RYR3: variants seen among roughly 807,000 people sequenced by gnomAD.
RYR3 encodes brain ryanodine receptor-calcium release channel.
Under a neutral mutation model 584.3 loss-of-function variants are expected in RYR3, and 207 were observed. The observed-to-expected ratio is 0.35, with a 90% CI of 0.32 to 0.40. The LOEUF is 0.40. Ranked by LOEUF, RYR3 falls within the 10% of genes least tolerant of loss-of-function variation. RYR3 has a pLI of 1.00. For synonymous variants in RYR3, 2,416 were observed against 2,248.5 expected (o/e 1.07, Z -2.11); for missense variants, 5,616 against 6,089.2 (o/e 0.92, Z 2.59).
Position 33,865,232 on chromosome 15 carries a change from A to G in RYR3, c.*6A>G, listed in dbSNP as rs200805654. 7.1e-5 allele frequency: 114 copies of G among 1,607,992 alleles called. No individual in the cohort carries two copies. The highest frequency in any genetic ancestry group is 9.4e-5 in the African/African-American group (7 of 74,566). ...ATGAAGATCAGCTTGGATAAATCTG[A>G]ATCAAAGAAGCGCGACAATTCTGGA... On this transcript the variant is annotated 3_prime_UTR_variant, in exon 104 of 104. Transcript: ENST00000634891.
intron 94 of RYR3, chr15:33,849,619 A>G (rs2078958653): frequency 6.6e-6 from 1 of 152,196 alleles, no homozygotes; most frequent in Non-Finnish European, 1.5e-5. Flanking sequence ...AGATAAATTA[A>G]TGTGGCAAAA....
At chr15:33,655,752 C>A (rs2152694163) in intron 32 of RYR3, among the ~76,000 whole-genome samples, 1 of 152,328 alleles carries the variant, frequency 6.6e-6, no homozygotes, top group African/African-American at 2.4e-5. Context: ...CCCAGCCAGC[C>A]CCCTTCTCAT....
rs751669934 is a variant in RYR3 at position 33,539,402 on chromosome 15, A to G, written c.486A>G (p.Gly162=). The change falls in exon 6 of 104, where the codon GGA becomes GGG. Residue 162 remains glycine (G), a synonymous_variant. Coordinates refer to ENST00000634891, the MANE Select transcript of RYR3 (RefSeq NM_001036.6). The part of the protein sequence containing the change: ...IHPASKQRSE[G]EKVRIGDDLI... ...CTGCTTCCAAACAGAGGTCCGAAGG[A>G]GAGAAAGTTCGAATTGGCGATGACC... The G allele has an allele frequency of 6.2e-7, 1 of 1,603,798 alleles. No homozygotes were observed. Among genetic ancestry groups the G allele is most frequent in the Non-Finnish European group, 8.5e-7 (1 of 1,174,870 alleles).
At position 33,731,454 on chromosome 15, in the gene RYR3, T is replaced by C. The variant is rs777428725; in HGVS notation, c.7204-20T>C. The C allele has an allele frequency of 5.1e-6, 8 of 1,573,312 alleles. No individual in the cohort carries two copies. The highest frequency in any genetic ancestry group is 2.3e-5 in the South Asian group (2 of 87,314). On this transcript the variant is annotated intron_variant, in intron 47 of 103. Transcript: ENST00000634891. ...TGTTCCTCAGGGCAATTAACCTGTGTCCCAATCTTCTTTCTCTAGGTTTCC... is the reference window on the plus strand; with the variant it reads ...TGTTCCTCAGGGCAATTAACCTGTGCCCCAATCTTCTTTCTCTAGGTTTCC...
At chr15:33,640,473 C>T (rs1408534268) in intron 27 of RYR3, among the ~76,000 whole-genome samples, 3 of 152,192 alleles carry the variant, frequency 2.0e-5, no homozygotes, top group Non-Finnish European at 4.4e-5. Flanking sequence ...TCATCTACCT[C>T]CCTCTCTCTA....
Position 33,311,066 on chromosome 15 carries a change from A to C in RYR3, c.21A>C (p.Gly7=). The C allele has an allele frequency of 6.3e-7, 1 of 1,582,598 alleles. No individual in the cohort carries two copies. The highest frequency in any genetic ancestry group is 2.4e-5 in the East Asian group (1 of 41,150). Residue 7 remains glycine (G), a synonymous_variant, in exon 1 of 104, where the codon GGA becomes GGC. Transcript: ENST00000634891. The surrounding 1 kb of genome is among the most constrained non-coding windows in gnomAD (Gnocchi z 4.4). The part of the protein sequence containing the change: MAEGGE[G]GEDEIQFLRT... The stretch of plus-strand genomic sequence containing the variant: ...GAGCCATGGCCGAAGGGGGAGAAGG[A>C]GGCGAGGACGAGATCCAGTTTCTGA...
At chr15:33,343,048 G>C (rs1395580980) in intron 1 of RYR3, among the ~76,000 whole-genome samples, 1 of 152,216 alleles carries the variant, frequency 6.6e-6, no homozygotes, top group East Asian at 1.9e-4. Flanking sequence ...TTTTGATAGT[G>C]GAAATGAGAA....
At chr15:33,553,853 G>A (rs1721597702) in intron 10 of RYR3, among the ~76,000 whole-genome samples, 1 of 152,182 alleles carries the variant, frequency 6.6e-6, no homozygotes, top group South Asian at 2.1e-4. Flanking sequence ...CTCATTTGAA[G>A]TCTGTCATAA....
chr15:33,660,330 T>C lies in RYR3; in HGVS notation c.4529T>C (p.Val1510Ala), dbSNP rs431825175. 1.3e-5 allele frequency: 21 copies of C among 1,590,770 alleles called. No homozygotes were observed. Among genetic ancestry groups the C allele is most frequent in the South Asian group, 1.3e-4 (11 of 86,774 alleles). The change falls in exon 34 of 104, where the codon GTG (valine) becomes GCG (alanine). Residue 1510 changes from valine to alanine, a missense_variant. Val to Ala is a moderately conservative substitution (Grantham distance 64). Transcript: ENST00000634891. Reference protein sequence around the residue: ...WSRMPNSFLKVETERVSERHG... With the variant: ...WSRMPNSFLKAETERVSERHG... Reference sequence around the variant, plus strand: ...CGCATGCCCAACAGCTTCCTGAAGGTGGAGACCGAGCGTGTGAGCGAGCGC... The same window carrying C: ...CGCATGCCCAACAGCTTCCTGAAGGCGGAGACCGAGCGTGTGAGCGAGCGC...
intron 46 of RYR3, among the ~76,000 whole-genome samples, chr15:33,727,346 C>T (rs2068552609): frequency 6.6e-6 from 1 of 152,182 alleles, no homozygotes; most frequent in Non-Finnish European, 1.5e-5. Context: ...CAACCGTTGT[C>T]ATGTTTCCCA....
At chr15:33,436,713 C>G (rs1014316181) in intron 1 of RYR3, among the ~76,000 whole-genome samples, 1 of 151,918 alleles carries the variant, frequency 6.6e-6, no homozygotes, top group Non-Finnish European at 1.5e-5. Flanking sequence ...ACCATCTTGG[C>G]CAGGCTGGTC....
chr15:33,543,178 C>A lies in RYR3; in HGVS notation c.647-444C>A, dbSNP rs948166101. ...GGGTCTTAAGAATGGTCTGCTACCCCCTTCTCAGCACCTTTCTTTCCCATG... is the reference window on the plus strand; with the variant it reads ...GGGTCTTAAGAATGGTCTGCTACCCACTTCTCAGCACCTTTCTTTCCCATG... On this transcript the variant is annotated intron_variant, in intron 7 of 103. Coordinates refer to ENST00000634891, the MANE Select transcript of RYR3 (RefSeq NM_001036.6). Among the ~76,000 whole-genome samples, 7 of 152,182 alleles carry A rather than the reference C, an allele frequency of 4.6e-5. No individual in the cohort carries two copies. The South Asian group carries it at 1.5e-3, about 32-fold the overall frequency.
intron 53 of RYR3, 61 bp from the exon 54 acceptor site, chr15:33,748,053 T>C: frequency 2.6e-6 from 4 of 1,545,816 alleles, no homozygotes; most frequent in Non-Finnish European, 3.6e-6. Flanking sequence ...CATGCGGAGA[T>C]GGGCCAGGGA....
At chr15:33,505,525 T>C (rs2052395112) in intron 3 of RYR3, among the ~76,000 whole-genome samples, 1 of 152,238 alleles carries the variant, frequency 6.6e-6, no homozygotes, top group Admixed American at 6.5e-5. Context: ...GGAGTCTTGC[T>C]CTGTCGCCCA....
intron 15 of RYR3, among the ~76,000 whole-genome samples, chr15:33,584,828 T>C (rs915290265): frequency 1.4e-5 from 2 of 144,290 alleles, no homozygotes; most frequent in Non-Finnish European, 3.0e-5. Context: ...ACTCCCATTA[T>C]ATTCTTATTC....
At chr15:33,726,078 C>T (rs919351804) in intron 45 of RYR3, among the ~76,000 whole-genome samples, 5 of 151,066 alleles carry the variant, frequency 3.3e-5, no homozygotes, top group African/African-American at 1.2e-4. Flanking sequence ...AGTGCAGTCA[C>T]ATTGAGAAGC....
intron 2 of RYR3, among the ~76,000 whole-genome samples, chr15:33,487,380 A>G (rs2050540320): frequency 6.6e-6 from 1 of 152,166 alleles, no homozygotes; most frequent in South Asian, 2.1e-4. Context: ...GCAGTTGCTG[A>G]AAGAAAACAA....
chr15:33,588,240 C>T (rs375455792), intron 16 of RYR3, among the ~76,000 whole-genome samples: 1 of 152,166 alleles, frequency 6.6e-6, no homozygotes, highest in Non-Finnish European at 1.5e-5. Flanking sequence ...GGTCCTTAGA[C>T]GTTAAGCAGT....
intron 1 of RYR3, among the ~76,000 whole-genome samples, chr15:33,398,915 G>A (rs1323928652): frequency 6.6e-6 from 1 of 152,210 alleles, no homozygotes; most frequent in Non-Finnish European, 1.5e-5. Flanking sequence ...TCATCTCACA[G>A]GGCGTGCCGA....
Sources: gnomAD v4.1 joint callset for allele counts (sites outside exome capture counted in the v4.1 genomes callset) on GRCh38, gnomAD v4.1.1 for gene constraint, Gnocchi (gnomAD v3.1) non-coding constraint, MANE v1.5 for transcripts, NCBI Gene and HGNC (gene_info 2026-07-23, HGNC 2026-07-21) for gene names.